The following KLRG1 variants were observed in gnomAD, a reference collection of about 807,000 sequenced individuals.
The protein encoded by KLRG1 is killer cell lectin-like receptor subfamily G member 1.
A neutral mutation model predicts 21.8 loss-of-function variants in KLRG1; 16 were observed. The observed-to-expected ratio is 0.73, with a 90% CI of 0.50 to 1.11. The LOEUF (loss-of-function observed/expected upper bound fraction) is 1.11. Among genes scored for constraint, KLRG1 ranks in the 50% most tolerant of loss-of-function variants. KLRG1 has a pLI of 0.00. For synonymous variants in KLRG1, 69 were observed against 75.9 expected (o/e 0.91, Z 0.47); for missense variants, 173 against 218.3 (o/e 0.79, Z 1.31).
chr12:9,154,883 T>A, the KLRG1 span: 1 of 1,524,216 alleles, frequency 6.6e-7, no homozygotes. Context: ...CATCAATAAG[T>A]AATTATAACT....
intron 1 of KLRG1, among the ~76,000 whole-genome samples, chr12:8,975,281 C>A (rs1043936332): frequency 1.3e-5 from 2 of 152,116 alleles, no homozygotes; most frequent in Non-Finnish European, 2.9e-5. Context: ...TCCATGGAAC[C>A]ATCTAGTCCT....
intron 3 of KLRG1, among the ~76,000 whole-genome samples, chr12:9,000,425 A>C (rs1020133916): frequency 1.3e-5 from 2 of 152,220 alleles, no homozygotes; most frequent in Non-Finnish European, 2.9e-5. Flanking sequence ...GCATAGCATA[A>C]AATGTACTAT....
At chr12:9,208,315 T>C in the KLRG1 span, 2 of 1,613,508 alleles carry the variant, frequency 1.2e-6, no homozygotes, top group African/African-American at 1.3e-5. Flanking sequence ...GCACAAGACA[T>C]AAATGAAGAA....
the KLRG1 span, chr12:9,200,305 C>A: frequency 2.5e-6 from 3 of 1,206,628 alleles, no homozygotes; most frequent in East Asian, 2.4e-5. Context: ...TTTGTACCTA[C>A]ATAATCCCTC....
chr12:9,154,540 C>T, the KLRG1 span: 50 of 1,334,436 alleles, frequency 3.7e-5, no homozygotes, highest in Non-Finnish European at 5.0e-5. Flanking sequence ...CTTCTCTTTT[C>T]CATTAACTGT....
At chr12:9,090,545 A>G in the KLRG1 span, 1 of 1,560,470 alleles carries the variant, frequency 6.4e-7, no homozygotes, top group South Asian at 1.1e-5. Context: ...ATGGGTTTGA[A>G]GTAAAGCATC....
the KLRG1 span, among the ~76,000 whole-genome samples, chr12:9,213,592 G>A: frequency 2.0e-5 from 3 of 151,984 alleles, no homozygotes; most frequent in Non-Finnish European, 2.9e-5. Flanking sequence ...ATGATTTTGA[G>A]CATATTCTCA....
chr12:9,203,733 A>C, the KLRG1 span: 3 of 1,608,514 alleles, frequency 1.9e-6, no homozygotes, highest in Non-Finnish European at 2.6e-6. Context: ...AAAATGTATC[A>C]AGCAGGGATA....
the KLRG1 span, among the ~76,000 whole-genome samples, chr12:9,073,714 G>A: frequency 1.3e-5 from 2 of 152,142 alleles, no homozygotes; most frequent in African/African-American, 2.4e-5. Context: ...CAGATACATG[G>A]TTATATAGCT....
chr12:9,063,567 A>G, the KLRG1 span, among the ~76,000 whole-genome samples: 1 of 152,168 alleles, frequency 6.6e-6, no homozygotes, highest in Non-Finnish European at 1.5e-5. Flanking sequence ...TTTTAATTCC[A>G]AGATTCCCAT....
chr12:8,989,563 C>T lies in KLRG1; in HGVS notation c.-73C>T. 1.1e-6 allele frequency: 1 copy of T among 931,834 alleles called. No individual in the cohort carries two copies. The highest frequency in any genetic ancestry group is 1.7e-6 in the Non-Finnish European group (1 of 595,444). 57.7% of individuals were successfully genotyped at this position (931,834 alleles called of 1,614,324 possible). On this transcript the variant is annotated 5_prime_UTR_variant, in exon 1 of 5. Transcript: ENST00000356986. ...AGCAGTTTAGAGATTGGGCTGTTTC[C>T]TCACTGATACATATCCCTTCACACT...
intron 1 of KLRG1, among the ~76,000 whole-genome samples, chr12:8,976,112 G>C (rs951784380): frequency 6.6e-6 from 1 of 151,924 alleles, no homozygotes; most frequent in Admixed American, 6.6e-5. Context: ...TGCTCTAAAG[G>C]TTCCTCTTAG....
the KLRG1 span, among the ~76,000 whole-genome samples, chr12:9,161,277 A>G: frequency 2.6e-4 from 39 of 152,360 alleles, no homozygotes; most frequent in East Asian, 6.0e-3. Context: ...GAAAAAACAC[A>G]TGTAAAACAT....
At chr12:9,106,729 A>G in the KLRG1 span, 1 of 453,974 alleles carries the variant, frequency 2.2e-6, no homozygotes, top group South Asian at 4.2e-5. Context: ...TATGACGAGG[A>G]CACAATAAAT....
At chr12:9,089,733 T>G in the KLRG1 span, among the ~76,000 whole-genome samples, 3 of 152,044 alleles carry the variant, frequency 2.0e-5, no homozygotes, top group African/African-American at 7.2e-5. Flanking sequence ...AGAGCAAGAC[T>G]CTGCCTCAAA....
At chr12:9,169,179 AAT>A in the KLRG1 span, among the ~76,000 whole-genome samples, 675 of 96,088 alleles carry the variant, frequency 7.0e-3, 8 homozygotes, top group African/African-American at 0.019. Context: ...TTGGTTTGCA[AAT>A]AAAAAAACCT....
the KLRG1 span, among the ~76,000 whole-genome samples, chr12:9,041,676 G>A: frequency 6.6e-6 from 1 of 152,144 alleles, no homozygotes; most frequent in Non-Finnish European, 1.5e-5. Context: ...GAGAGACCAG[G>A]TAGAGAGGAC....
At chr12:9,153,306 C>T in the KLRG1 span, 6 of 1,614,062 alleles carry the variant, frequency 3.7e-6, no homozygotes, top group South Asian at 6.6e-5. Flanking sequence ...AGTGGCTGCT[C>T]CATACCTGGA....
At chr12:9,098,005 T>C in the KLRG1 span, among the ~76,000 whole-genome samples, 24,632 of 152,220 alleles carry the variant, frequency 0.16, 2,142 homozygotes, top group Middle Eastern at 0.21. Context: ...TGTATCACTT[T>C]TGTTAGGCTT....
Sources: gnomAD v4.1 joint callset for allele counts (sites outside exome capture counted in the v4.1 genomes callset) on GRCh38, gnomAD v4.1.1 for gene constraint, MANE v1.5 for transcripts, NCBI Gene and HGNC (gene_info 2026-07-23, HGNC 2026-07-21) for gene names.